Variants in KHDRBS3 observed in about 807,000 individuals in gnomAD.
KHDRBS3 encodes the protein KH RNA binding domain containing, signal transduction associated 3.
Under a neutral mutation model 45.6 loss-of-function variants are expected in KHDRBS3, and 23 were observed. That is an observed-to-expected ratio of 0.50 (90% confidence interval 0.36 to 0.72). The LOEUF is 0.72. KHDRBS3 is among the 30% of genes least tolerant of loss of function. The pLI is 0.00. For synonymous variants in KHDRBS3, 162 were observed against 156.5 expected, an observed-to-expected ratio of 1.04 and a Z score of -0.26; for missense variants, 352 against 424.8, an observed-to-expected ratio of 0.83 and a Z score of 1.51.
At chr8:135,504,927 A>G (rs965888676) in intron 1 of KHDRBS3, among the ~76,000 whole-genome samples, 2 of 152,168 alleles carry the variant, frequency 1.3e-5, no homozygotes, top group African/African-American at 4.8e-5. Flanking sequence ...ATAACCAGGC[A>G]CACCACTATA....
chr8:135,632,966 C>T (rs1263271379), intron 7 of KHDRBS3, among the ~76,000 whole-genome samples: 1 of 152,192 alleles, frequency 6.6e-6, no homozygotes, highest in African/African-American at 2.4e-5. Flanking sequence ...AATCTCAGCT[C>T]AGATGATACC....
intron 1 of KHDRBS3, among the ~76,000 whole-genome samples, chr8:135,461,639 C>T (rs1185622417): frequency 6.6e-6 from 1 of 152,156 alleles, no homozygotes; most frequent in Non-Finnish European, 1.5e-5. Context: ...TTAGAAATGT[C>T]TTATGCATTA....
intron 1 of KHDRBS3, among the ~76,000 whole-genome samples, chr8:135,519,438 T>A (rs1455714759): frequency 6.6e-6 from 1 of 152,192 alleles, no homozygotes; most frequent in Non-Finnish European, 1.5e-5. Context: ...ACTACAAATT[T>A]GGAGGCTCCA....
intron 5 of KHDRBS3, among the ~76,000 whole-genome samples, chr8:135,565,696 A>G (rs1351859147): frequency 6.6e-6 from 1 of 152,064 alleles, no homozygotes; most frequent in East Asian, 1.9e-4. Flanking sequence ...TTCCTTCTAC[A>G]GTTCCTTCCT....
At chr8:135,555,497 G>T (rs1394939623) in intron 4 of KHDRBS3, among the ~76,000 whole-genome samples, 2 of 151,680 alleles carry the variant, frequency 1.3e-5, no homozygotes, top group Non-Finnish European at 2.9e-5. Flanking sequence ...AGAACTAAGA[G>T]TTGTATAGTT....
chr8:135,591,958 A>G (rs1387456652), intron 6 of KHDRBS3, among the ~76,000 whole-genome samples: 1 of 152,228 alleles, frequency 6.6e-6, no homozygotes, highest in Admixed American at 6.5e-5. Flanking sequence ...AAAACAGAGT[A>G]CAGATTGTGA....
intron 1 of KHDRBS3, among the ~76,000 whole-genome samples, chr8:135,490,617 A>G (rs1398754347): frequency 6.6e-6 from 1 of 152,232 alleles, no homozygotes; most frequent in African/African-American, 2.4e-5. Flanking sequence ...AATAAATGAA[A>G]ATAATATGAC....
At chr8:135,649,631 C>T (rs911743689), downstream of KHDRBS3, among the ~76,000 whole-genome samples, 14 of 151,950 alleles carry the variant, frequency 9.2e-5, no homozygotes, top group African/African-American at 2.2e-4. Flanking sequence ...TTCTCTTGTA[C>T]GGAATGGGAA....
chr8:135,539,000 C>T (rs1198452134), intron 2 of KHDRBS3: 1 of 152,178 alleles, frequency 6.6e-6, no homozygotes, highest in African/African-American at 2.4e-5. Flanking sequence ...AGGAATTGAA[C>T]TTGCAAACTG....
intron 2 of KHDRBS3, among the ~76,000 whole-genome samples, chr8:135,528,867 G>A (rs1825326231): frequency 6.6e-6 from 1 of 152,122 alleles, no homozygotes; most frequent in South Asian, 2.1e-4. Flanking sequence ...TAGGGGCAGA[G>A]TCCTCATGAC....
At chr8:135,569,294 AT>A (rs1586735890) in intron 5 of KHDRBS3, among the ~76,000 whole-genome samples, 1 of 152,340 alleles carries the variant, frequency 6.6e-6, no homozygotes, top group East Asian at 1.9e-4. Context: ...ATTTAGAATC[AT>A]TAACTCTAGG....
chr8:135,564,863 CA>C (rs964814381), intron 5 of KHDRBS3, among the ~76,000 whole-genome samples: 9 of 152,114 alleles, frequency 5.9e-5, no homozygotes, highest in African/African-American at 2.2e-4. Flanking sequence ...TAATCACACC[CA>C]GGTTTGGCTG....
intron 2 of KHDRBS3, among the ~76,000 whole-genome samples, chr8:135,526,062 T>C (rs1013348552): frequency 6.6e-6 from 1 of 152,140 alleles, no homozygotes; most frequent in African/African-American, 2.4e-5. Context: ...TACAGTAGCA[T>C]GAGGTACAGG....
Position 135,472,793 on chromosome 8 carries a change from C to T in KHDRBS3, c.88+14839C>T, listed in dbSNP as rs753490158. Among the ~76,000 whole-genome samples, 6 of 152,242 alleles carry T rather than the reference C, an allele frequency of 3.9e-5. 1 individual carries two copies. The Middle Eastern group carries it at 0.01, about 259-fold the overall frequency. On this transcript the variant is annotated intron_variant, in intron 1 of 8. Coordinates refer to ENST00000355849, the MANE Select transcript of KHDRBS3 (RefSeq NM_006558.3). ...TAGAATTACATGTGGTCTTTCTAGACACCAGCCTTACTAAAATGCATTGCC... is the reference window on the plus strand; with the variant it reads ...TAGAATTACATGTGGTCTTTCTAGATACCAGCCTTACTAAAATGCATTGCC...
intron 5 of KHDRBS3, among the ~76,000 whole-genome samples, chr8:135,565,507 G>A (rs1329615867): frequency 6.6e-6 from 1 of 152,288 alleles, no homozygotes; most frequent in African/African-American, 2.4e-5. Context: ...TAAGCAGATA[G>A]CTTGATTGAA....
At chr8:135,534,404 G>A (rs770743402) in intron 2 of KHDRBS3, among the ~76,000 whole-genome samples, 5 of 151,860 alleles carry the variant, frequency 3.3e-5, no homozygotes, top group Non-Finnish European at 7.4e-5. Flanking sequence ...ATTTCAGTTG[G>A]TATTTGTCAT....
Position 135,613,641 on chromosome 8 carries a change from G to A in KHDRBS3, c.890+6604G>A, listed in dbSNP as rs73712094. Among the ~76,000 whole-genome samples the A allele has an allele frequency of 9.6e-3, 1,453 of 151,702 alleles. 43 individuals are homozygous for A. Among genetic ancestry groups the A allele is most frequent in the African/African-American group, 0.027 (1,097 of 41,090 alleles). ...AGAGTGGCTACGAAGAGCAGGTTCT[G>A]GGAAACCTGCAAGGACTGTGCGAGC... On this transcript the variant is annotated intron_variant, in intron 7 of 8. Transcript: ENST00000355849.
rs1014066795 is a variant in KHDRBS3, at chr8:135,557,358, T to G, written c.472-90T>G. 12 of 679,746 alleles carry G rather than the reference T, an allele frequency of 1.8e-5. No homozygotes were observed. In the Admixed American group the frequency reaches 4.0e-4, roughly 23 times the overall value. 42.1% of individuals were successfully genotyped at this position (679,746 alleles called of 1,614,324 possible). A position where few individuals can be genotyped will look rare whatever the true frequency, so the allele number is the denominator to read the frequency against. ...AAATTCAACTATTTTCCTAACCCTT[T>G]TTTCTATTAAGAATTACTTGCTTTT... On this transcript the variant is annotated intron_variant, in intron 4 of 8. Transcript: ENST00000355849.
chr8:135,515,365 T>TAAA lies in KHDRBS3; in HGVS notation c.89-5837_89-5835dup, dbSNP rs59502823. On this transcript the variant is annotated intron_variant, in intron 1 of 8. Transcript: ENST00000355849. Reference sequence around the variant, plus strand: ...TGGGCGACAGAGCGAGACTCCGTCTTAAAAAAAAAAAAAAAAAAAAAAAAA... The same window carrying TAAA: ...TGGGCGACAGAGCGAGACTCCGTCTTAAAAAAAAAAAAAAAAAAAAAAAAAAAA... Among the ~76,000 whole-genome samples the TAAA allele has an allele frequency of 3.1e-3, 124 of 39,740 alleles. 11 individuals are homozygous for TAAA. The highest frequency in any genetic ancestry group is 4.4e-3 in the Non-Finnish European group (91 of 20,790). The allele number at this position is 39,740 out of a possible 152,430, so 26.1% of individuals were successfully genotyped here.
Sources: allele counts gnomAD v4.1 joint callset (sites outside exome capture counted in the v4.1 genomes callset), GRCh38; gene constraint gnomAD v4.1.1; transcripts MANE v1.5; gene names NCBI Gene and HGNC (gene_info 2026-07-23, HGNC 2026-07-21).